The following GFRA2 variants were observed in gnomAD, a reference collection of about 807,000 sequenced individuals.
The protein encoded by GFRA2 is GDNF family receptor alpha 2.
Under a neutral mutation model 48.3 loss-of-function variants are expected in GFRA2, and 17 were observed. That is an observed-to-expected ratio of 0.35 (90% CI 0.24 to 0.53). The LOEUF (loss-of-function observed/expected upper bound fraction) is 0.53, where lower values mean the gene tolerates loss of function less well. Among genes scored for constraint, GFRA2 ranks in the 20% least tolerant of loss-of-function variants. The probability of loss-of-function intolerance (pLI) is 0.93; values close to 1 mark genes in which losing one functional copy is unlikely to be tolerated. For synonymous variants in GFRA2, 305 were observed against 257.2 expected (o/e 1.19, Z -1.78); for missense variants, 660 against 637.3 (o/e 1.04, Z -0.38).
chr8:21,779,765 G>A (rs1806884106), intron 2 of GFRA2: 1 of 152,164 alleles, frequency 6.6e-6, no homozygotes. Context: ...GTAATTATAT[G>A]CATTTCTTAT....
chr8:21,780,815 T>A (rs912825619), intron 2 of GFRA2: 3 of 152,258 alleles, frequency 2.0e-5, no homozygotes, highest in Non-Finnish European at 4.4e-5. Context: ...ACCTGTGGAT[T>A]CTCTCTTCTA....
At chr8:21,736,581 G>A (rs1357110015) in intron 4 of GFRA2, among the ~76,000 whole-genome samples, 3 of 151,890 alleles carry the variant, frequency 2.0e-5, no homozygotes, top group Non-Finnish European at 4.4e-5. Flanking sequence ...CAGCAGCCTC[G>A]AACTCCTGGG....
At chr8:21,757,656 C>G (rs553648413) in intron 3 of GFRA2, among the ~76,000 whole-genome samples, 1 of 152,074 alleles carries the variant, frequency 6.6e-6, no homozygotes, top group African/African-American at 2.4e-5. Context: ...CCACCACACT[C>G]AGCTAATTAT....
chr8:21,711,293 A>G (rs557433860), intron 4 of GFRA2, among the ~76,000 whole-genome samples: 1 of 152,338 alleles, frequency 6.6e-6, no homozygotes, highest in Non-Finnish European at 1.5e-5. Flanking sequence ...GATGGTATAA[A>G]AGAAGGCATG....
At chr8:21,786,043 C>G (rs1041527792) in intron 1 of GFRA2, among the ~76,000 whole-genome samples, 13 of 152,216 alleles carry the variant, frequency 8.5e-5, no homozygotes, top group Admixed American at 1.3e-4. Context: ...CCACTCAGCC[C>G]AGCTTTAGAA....
intron 4 of GFRA2, among the ~76,000 whole-genome samples, chr8:21,711,463 CCT>C (rs1296246755): frequency 1.3e-5 from 2 of 152,118 alleles, no homozygotes; most frequent in African/African-American, 4.8e-5. Context: ...AAACACAAAC[CCT>C]CTCTGGGCGT....
At chr8:21,783,510 C>A (rs1807116443) in intron 1 of GFRA2, among the ~76,000 whole-genome samples, 1 of 152,098 alleles carries the variant, frequency 6.6e-6, no homozygotes, top group Non-Finnish European at 1.5e-5. Context: ...GGTGGAAACA[C>A]CCCCTCCGAT....
chr8:21,778,011 C>T (rs1806793986), intron 2 of GFRA2, among the ~76,000 whole-genome samples: 1 of 152,204 alleles, frequency 6.6e-6, no homozygotes, highest in African/African-American at 2.4e-5. Context: ...TTTGCACCTG[C>T]TGTGCGCCTT....
At chr8:21,728,397 C>T (rs1471318690) in intron 4 of GFRA2, among the ~76,000 whole-genome samples, 4 of 150,444 alleles carry the variant, frequency 2.7e-5, no homozygotes, top group African/African-American at 9.7e-5. Context: ...GCCTTAGCCT[C>T]CCAAGTAGCT....
At position 21,735,224 on chromosome 8, in the gene GFRA2, TCA is replaced by T. The variant is rs201346893; in HGVS notation, c.794+15362_794+15363del. ...GAGATCTGTCTCAAATTTTCAGGGTTCACAAAGGTGAAGTCTTGCATCCCATG... is the reference window on the plus strand; with the variant it reads ...GAGATCTGTCTCAAATTTTCAGGGTTCAAAGGTGAAGTCTTGCATCCCATG... On this transcript the variant is annotated intron_variant, in intron 4 of 8. Coordinates refer to ENST00000524240, the MANE Select transcript of GFRA2 (RefSeq NM_001495.5). Among the ~76,000 whole-genome samples, 886 of 152,320 alleles carry T rather than the reference TCA, an allele frequency of 5.8e-3. 11 individuals carry two copies. Among genetic ancestry groups the T allele is most frequent in the Non-Finnish European group, 6.3e-3 (428 of 68,036 alleles).
At chr8:21,706,506 C>A in intron 4 of GFRA2, 1 of 451,642 alleles carries the variant, frequency 2.2e-6, no homozygotes, top group Non-Finnish European at 4.5e-6. Flanking sequence ...TCCCTAGATG[C>A]TTCATAGGAC....
At chr8:21,751,002 C>A in intron 3 of GFRA2, 60 bp from the exon 4 acceptor site, 7 of 1,118,494 alleles carry the variant, frequency 6.3e-6, no homozygotes, top group Non-Finnish European at 9.1e-6. Flanking sequence ...GACACAGCTG[C>A]CCCCTCACTG....
intron 1 of GFRA2, among the ~76,000 whole-genome samples, chr8:21,808,616 G>C (rs1030284644): frequency 6.6e-6 from 1 of 152,246 alleles, no homozygotes; most frequent in Non-Finnish European, 1.5e-5. Flanking sequence ...GGGATGCTCA[G>C]GGAGGTTTGG....
At chr8:21,757,203 G>A (rs1805613004) in intron 3 of GFRA2, among the ~76,000 whole-genome samples, 1 of 152,026 alleles carries the variant, frequency 6.6e-6, no homozygotes, top group African/African-American at 2.4e-5. Context: ...AGAGGCTGCA[G>A]CTCAGCCTCC....
At chr8:21,725,894 C>G (rs1803845964) in intron 4 of GFRA2, among the ~76,000 whole-genome samples, 1 of 152,194 alleles carries the variant, frequency 6.6e-6, no homozygotes, top group Non-Finnish European at 1.5e-5. Context: ...GCAGCAGAAT[C>G]CGAGCAAGAC....
At chr8:21,812,046 A>G (rs1425886342) in intron 1 of GFRA2, among the ~76,000 whole-genome samples, 1 of 152,126 alleles carries the variant, frequency 6.6e-6, no homozygotes, top group African/African-American at 2.4e-5. Context: ...GCCCCTGGCT[A>G]TCACCCATCT....
chr8:21,800,254 C>T (rs1290948450), intron 2 of GFRA2, among the ~76,000 whole-genome samples: 1 of 152,342 alleles, frequency 6.6e-6, no homozygotes, highest in East Asian at 1.9e-4. Flanking sequence ...TTACTCCTCT[C>T]TGAGGCATAT....
At chr8:21,744,439 G>T (rs919399298) in intron 4 of GFRA2, among the ~76,000 whole-genome samples, 1 of 152,058 alleles carries the variant, frequency 6.6e-6, no homozygotes, top group African/African-American at 2.4e-5. Flanking sequence ...TGTTCTCTTG[G>T]CAGACTAAGA....
intron 3 of GFRA2, among the ~76,000 whole-genome samples, chr8:21,768,855 G>A (rs1806305764): frequency 2.6e-5 from 4 of 152,114 alleles, no homozygotes. Flanking sequence ...TGTCCTGTCT[G>A]CCACAATGAT....
Sources: gnomAD v4.1 joint callset for allele counts (sites outside exome capture counted in the v4.1 genomes callset) on GRCh38, gnomAD v4.1.1 for gene constraint, MANE v1.5 for transcripts, NCBI Gene and HGNC (gene_info 2026-07-23, HGNC 2026-07-21) for gene names.